The following LIN28B variants were observed in gnomAD, a reference collection of about 807,000 sequenced individuals.
The protein encoded by LIN28B is lin-28 RNA binding posttranscriptional regulator B.
Under a neutral mutation model 21.9 loss-of-function variants are expected in LIN28B, and 5 were observed. The ratio of observed to expected loss-of-function variants is 0.23; its 90% CI spans 0.12 to 0.48. LIN28B has a LOEUF of 0.48. LIN28B is among the 20% of genes least tolerant of loss of function. LIN28B has a pLI of 0.98. For missense variants in LIN28B, 245 were observed against 310.5 expected (o/e 0.79, Z 1.58); for synonymous variants, 109 against 111.3 (o/e 0.98, Z 0.13).
At chr6:104,967,424 A>T (rs934179284) in intron 2 of LIN28B, among the ~76,000 whole-genome samples, 1 of 151,676 alleles carries the variant, frequency 6.6e-6, no homozygotes, top group Admixed American at 6.6e-5. Flanking sequence ...TCCTAAAAAT[A>T]CAAAAAATTA....
intron 3 of LIN28B, among the ~76,000 whole-genome samples, chr6:105,075,207 GAC>G (rs1266862313): frequency 1.3e-5 from 2 of 152,248 alleles, no homozygotes; most frequent in South Asian, 2.1e-4. Flanking sequence ...GCTAAAAATG[GAC>G]ACACATGATA....
upstream of LIN28B, among the ~76,000 whole-genome samples, chr6:104,952,620 T>C (rs566345526): frequency 6.6e-6 from 1 of 152,310 alleles, no homozygotes; most frequent in South Asian, 2.1e-4. Flanking sequence ...GTTGTAAATA[T>C]TTTGCTGAAA....
chr6:105,007,267 A>G (rs1402514492), intron 2 of LIN28B, among the ~76,000 whole-genome samples: 6 of 152,200 alleles, frequency 3.9e-5, no homozygotes, highest in Non-Finnish European at 8.8e-5. Flanking sequence ...TTTCAATTTG[A>G]ATTTATTATT....
At chr6:105,013,368 T>G (rs770995722) in intron 2 of LIN28B, among the ~76,000 whole-genome samples, 45 of 152,208 alleles carry the variant, frequency 3.0e-4, no homozygotes, top group Non-Finnish European at 4.1e-4. Context: ...ATTACTCATG[T>G]GCTTATTTTC....
In LIN28B at chr6:105,048,389, A is replaced by C. The variant is rs149234902; in HGVS notation, c.383+21907A>C. On this transcript the variant is annotated intron_variant, in intron 3 of 3. Coordinates refer to ENST00000345080, the MANE Select transcript of LIN28B (RefSeq NM_001004317.4). ...GAAGCCCATTTGATCATGGTGGATAAGGTTTTTGATGTGCTGTTGGATTCG... is the reference window on the plus strand; with the variant it reads ...GAAGCCCATTTGATCATGGTGGATACGGTTTTTGATGTGCTGTTGGATTCG... Among the ~76,000 whole-genome samples the C allele has an allele frequency of 1.2e-3, 187 of 152,294 alleles. 1 individual carries two copies. The highest frequency in any genetic ancestry group is 4.1e-3 in the African/African-American group (172 of 41,568).
At chr6:104,961,639 A>T (rs1352225833) in intron 2 of LIN28B, among the ~76,000 whole-genome samples, 1 of 152,120 alleles carries the variant, frequency 6.6e-6, no homozygotes, top group Non-Finnish European at 1.5e-5. Context: ...TGACCTTGTG[A>T]TCTGCCTGCC....
intron 2 of LIN28B, among the ~76,000 whole-genome samples, chr6:104,969,546 G>C (rs533883030): frequency 1.3e-5 from 2 of 152,226 alleles, no homozygotes; most frequent in East Asian, 3.9e-4. Context: ...TCTTTATTGG[G>C]ACTCTCCATG....
chr6:105,057,046 A>G (rs1170535681), intron 3 of LIN28B, among the ~76,000 whole-genome samples: 1 of 152,246 alleles, frequency 6.6e-6, no homozygotes, highest in Non-Finnish European at 1.5e-5. Context: ...TATCATATTC[A>G]GAAGCCCACT....
intron 2 of LIN28B, among the ~76,000 whole-genome samples, chr6:104,942,686 A>G (rs1324929110): frequency 6.6e-6 from 1 of 152,160 alleles, no homozygotes; most frequent in African/African-American, 2.4e-5. Flanking sequence ...CTTTGCATGT[A>G]TGAAACACAG....
At chr6:105,024,586 T>G (rs1251980414) in intron 2 of LIN28B, among the ~76,000 whole-genome samples, 1 of 151,192 alleles carries the variant, frequency 6.6e-6, no homozygotes, top group Non-Finnish European at 1.5e-5. Flanking sequence ...GCAGTTGTGA[T>G]TTTTTCCCCC....
chr6:104,984,144 A>T (rs138350981), intron 2 of LIN28B, among the ~76,000 whole-genome samples: 1 of 152,208 alleles, frequency 6.6e-6, no homozygotes, highest in South Asian at 2.1e-4. Flanking sequence ...AGTGAGTTAG[A>T]TATATAAGAG....
At chr6:105,072,938 A>G (rs1187918575) in intron 3 of LIN28B, among the ~76,000 whole-genome samples, 3 of 152,182 alleles carry the variant, frequency 2.0e-5, no homozygotes, top group Non-Finnish European at 4.4e-5. Context: ...ATGTTTATTT[A>G]GATTGTGTAG....
At chr6:104,959,337 GAC>G (rs533819585) in intron 2 of LIN28B, among the ~76,000 whole-genome samples, 71 of 152,300 alleles carry the variant, frequency 4.7e-4, no homozygotes, top group Admixed American at 7.8e-4. Context: ...CAGATTGACT[GAC>G]AGATACATGG....
intron 3 of LIN28B, among the ~76,000 whole-genome samples, chr6:105,055,073 C>G (rs1169059071): frequency 6.6e-6 from 1 of 150,990 alleles, no homozygotes; most frequent in Non-Finnish European, 1.5e-5. Flanking sequence ...TTTCTTATTC[C>G]TTTATTTGGG....
At chr6:105,050,456 G>T (rs9500022) in intron 3 of LIN28B, among the ~76,000 whole-genome samples, 1 of 151,440 alleles carries the variant, frequency 6.6e-6, no homozygotes, top group South Asian at 2.1e-4. Flanking sequence ...CAAAAAATTA[G>T]CCGGGCGCGG....
At chr6:105,050,955 C>A (rs1489180990) in intron 3 of LIN28B, among the ~76,000 whole-genome samples, 1 of 151,338 alleles carries the variant, frequency 6.6e-6, no homozygotes, top group African/African-American at 2.5e-5. Context: ...TGGCTCATGG[C>A]TGTAATCCCA....
At chr6:105,040,238 C>A (rs1319170149) in intron 3 of LIN28B, among the ~76,000 whole-genome samples, 1 of 152,032 alleles carries the variant, frequency 6.6e-6, no homozygotes, top group African/African-American at 2.4e-5. Flanking sequence ...CCTTTTTAGT[C>A]ATTATTTGCT....
At chr6:104,988,438 T>A (rs925403589) in intron 2 of LIN28B, among the ~76,000 whole-genome samples, 2 of 144,406 alleles carry the variant, frequency 1.4e-5, no homozygotes, top group African/African-American at 2.5e-5. Context: ...AGATTTGTAT[T>A]TTTTTTTTTT....
chr6:105,031,345 T>C (rs1238229892), intron 3 of LIN28B, among the ~76,000 whole-genome samples: 4 of 152,078 alleles, frequency 2.6e-5, no homozygotes, highest in African/African-American at 9.7e-5. Flanking sequence ...GATACTTTCA[T>C]ACTGACCTTA....
Sources: gnomAD v4.1 joint callset for allele counts (sites outside exome capture counted in the v4.1 genomes callset) on GRCh38, gnomAD v4.1.1 for gene constraint, MANE v1.5 for transcripts, NCBI Gene and HGNC (gene_info 2026-07-23, HGNC 2026-07-21) for gene names.